SOS2: variants seen among roughly 807,000 people sequenced by gnomAD.
SOS2 encodes the protein son of sevenless homolog 2.
In SOS2, 65 loss-of-function variants were observed where a neutral mutation model predicts 148.2. The ratio of observed to expected loss-of-function variants is 0.44; its 90% CI spans 0.36 to 0.54. SOS2 has a LOEUF of 0.54. Among genes scored for constraint, SOS2 ranks in the 20% least tolerant of loss-of-function variants. The probability of loss-of-function intolerance (pLI) is 0.00; values close to 1 mark genes in which losing one functional copy is unlikely to be tolerated. For synonymous variants in SOS2, 539 were observed against 537.1 expected (o/e 1.00, Z -0.05); for missense variants, 1,341 against 1,590.2 (o/e 0.84, Z 2.67).
intron 5 of SOS2, among the ~76,000 whole-genome samples, chr14:50,187,810 C>T (rs1885966056): frequency 6.6e-6 from 1 of 151,774 alleles, no homozygotes; most frequent in African/African-American, 2.4e-5. Context: ...TTTTTTAACC[C>T]CATGGTATTC....
intron 4 of SOS2, among the ~76,000 whole-genome samples, chr14:50,196,420 A>C (rs755724558): frequency 6.6e-6 from 1 of 152,178 alleles, no homozygotes; most frequent in Non-Finnish European, 1.5e-5. Flanking sequence ...TTTGTGTTAC[A>C]AACAATCCAA....
chr14:50,159,755 G>A lies in SOS2; in HGVS notation c.1528C>T (p.His510Tyr). The A allele has an allele frequency of 6.2e-7, 1 of 1,613,684 alleles. No homozygotes were observed. Residue 510 changes from histidine to tyrosine, a missense_variant, in exon 10 of 23, where the codon CAT (histidine) becomes TAT (tyrosine). Physicochemically the swap from His to Tyr is moderately conservative, Grantham distance 83 (BLOSUM62 2). Coordinates refer to ENST00000216373, the MANE Select transcript of SOS2 (RefSeq NM_006939.4). ...TCTTTGGATACTAATTCAAATGCAT[G>A]CTTGTGCTCACAAGTATCTTCTTTA... is the stretch of plus-strand genomic sequence containing the variant. ...CDKEDTCEHK[H>Y]AFELVSKDEN...
intron 8 of SOS2, among the ~76,000 whole-genome samples, chr14:50,165,073 G>A (rs116904770): frequency 0.02 from 3,119 of 152,172 alleles, 73 homozygotes; most frequent in Non-Finnish European, 0.026. Flanking sequence ...AAAGTCAAAT[G>A]TATCACAAAT....
chr14:50,217,865 A>G (rs963107309), intron 1 of SOS2, among the ~76,000 whole-genome samples: 1 of 152,120 alleles, frequency 6.6e-6, no homozygotes, highest in Non-Finnish European at 1.5e-5. Flanking sequence ...CTGAGGCAGG[A>G]GAATGGTGTG....
At chr14:50,136,730 C>G (rs185410557) in intron 18 of SOS2, among the ~76,000 whole-genome samples, 50 of 152,152 alleles carry the variant, frequency 3.3e-4, no homozygotes, top group African/African-American at 1.2e-3. Flanking sequence ...GCTGGGATTA[C>G]AAGCACGTGC....
At chr14:50,213,658 G>A (rs1053752958) in intron 1 of SOS2, among the ~76,000 whole-genome samples, 2 of 151,898 alleles carry the variant, frequency 1.3e-5, no homozygotes, top group African/African-American at 4.8e-5. Flanking sequence ...CCGACAGAGT[G>A]AGACCCTGTC....
At chr14:50,189,610 T>C (rs1421901371) in intron 4 of SOS2, among the ~76,000 whole-genome samples, 1 of 152,102 alleles carries the variant, frequency 6.6e-6, no homozygotes, top group Non-Finnish European at 1.5e-5. Context: ...AGGAGAAAAG[T>C]GAAATGCTAC....
At chr14:50,220,817 A>G (rs1249759577) in intron 1 of SOS2, among the ~76,000 whole-genome samples, 1 of 152,216 alleles carries the variant, frequency 6.6e-6, no homozygotes, top group Non-Finnish European at 1.5e-5. Context: ...GATTAGCTGA[A>G]GCAAAAATTT....
chr14:50,152,989 T>G, intron 13 of SOS2, 81 bp downstream of exon 13: 1 of 679,056 alleles, frequency 1.5e-6, no homozygotes. Context: ...GAGAGAAATG[T>G]TTTAGTTTCT....
At chr14:50,145,718 A>G (rs954931338) in intron 14 of SOS2, 122 bp from the exon 15 acceptor site, 30 of 602,044 alleles carry the variant, frequency 5.0e-5, no homozygotes, top group Admixed American at 3.3e-5. Flanking sequence ...TATATGAACA[A>G]GTAATTCAGA....
chr14:50,167,300 T>C (rs1052907608), intron 8 of SOS2, among the ~76,000 whole-genome samples: 4 of 151,988 alleles, frequency 2.6e-5, no homozygotes, highest in Admixed American at 6.6e-5. Context: ...GTTATGAATA[T>C]ACTCACACAC....
At chr14:50,142,530 T>C (rs772743332) in intron 16 of SOS2, among the ~76,000 whole-genome samples, 1 of 152,324 alleles carries the variant, frequency 6.6e-6, no homozygotes, top group Admixed American at 6.5e-5. Flanking sequence ...CTTAGAGGTT[T>C]GGGGTTTGCT....
At chr14:50,190,905 C>A (rs992381626) in intron 4 of SOS2, among the ~76,000 whole-genome samples, 8 of 152,142 alleles carry the variant, frequency 5.3e-5, no homozygotes, top group Non-Finnish European at 1.2e-4. Context: ...TGATTTCAAA[C>A]AGACATGCAA....
intron 1 of SOS2, among the ~76,000 whole-genome samples, chr14:50,204,757 C>T (rs974886716): frequency 6.6e-6 from 1 of 152,092 alleles, no homozygotes; most frequent in Non-Finnish European, 1.5e-5. Flanking sequence ...GGTCATGAAT[C>T]CCAGTAATAA....
At chr14:50,174,687 T>C (rs1340039920) in intron 7 of SOS2, 135 bp from the exon 8 acceptor site, 1 of 457,524 alleles carries the variant, frequency 2.2e-6, no homozygotes, top group Non-Finnish European at 4.0e-6. Context: ...ATATTCTATA[T>C]TGAAACTGAA....
chr14:50,213,813 G>T (rs1367350656), intron 1 of SOS2, among the ~76,000 whole-genome samples: 1 of 150,952 alleles, frequency 6.6e-6, no homozygotes, highest in Non-Finnish European at 1.5e-5. Context: ...GGAGGGGAAT[G>T]TATGTGCATA....
In SOS2 at chr14:50,118,341, A is replaced by G; in HGVS notation, c.*3T>C. On this transcript the variant is annotated 3_prime_UTR_variant, in exon 23 of 23. Transcript: ENST00000216373. ...CAGTGTCAATGACTACATATGGCTA[A>G]GGTCATTGGGGAGTTTCTGCATTTT... 3 of 1,611,240 alleles carry G rather than the reference A, an allele frequency of 1.9e-6. No individual in the cohort carries two copies. Among genetic ancestry groups the G allele is most frequent in the Non-Finnish European group, 2.5e-6 (3 of 1,177,886 alleles).
In SOS2 at chr14:50,156,968, TATATATATATAA is replaced by T; in HGVS notation, c.2057+19_2057+30del. ...GTGTGTGTGTATATATATGTGTATA[TATATATATATAA>T]AAAATATTCAAGCCAAACCTAAGTT... On this transcript the variant is annotated intron_variant, in intron 12 of 22. Transcript: ENST00000216373. 1 of 1,292,462 alleles carries T rather than the reference TATATATATATAA, an allele frequency of 7.7e-7. No homozygotes were observed. Among genetic ancestry groups the T allele is most frequent in the Non-Finnish European group, 1.1e-6 (1 of 919,552 alleles). 80.1% of individuals were successfully genotyped at this position (1,292,462 alleles called of 1,614,324 possible). A position where few individuals can be genotyped will look rare whatever the true frequency, so the allele number is the denominator to read the frequency against.
intron 12 of SOS2, 76 bp from the exon 13 acceptor site, chr14:50,153,249 A>G: frequency 1.3e-6 from 1 of 779,088 alleles, no homozygotes; most frequent in South Asian, 1.6e-5. Flanking sequence ...TAATGCCACG[A>G]TAATAGCTTT....
Sources: allele counts gnomAD v4.1 joint callset (sites outside exome capture counted in the v4.1 genomes callset), GRCh38; gene constraint gnomAD v4.1.1; transcripts MANE v1.5; gene names NCBI Gene and HGNC (gene_info 2026-07-23, HGNC 2026-07-21).